Variants in DPP10 observed in about 807,000 individuals in gnomAD.
The protein encoded by DPP10 is inactive dipeptidyl peptidase 10.
In DPP10, 33 loss-of-function variants were observed where a neutral mutation model predicts 120.9. The ratio of observed to expected loss-of-function variants is 0.27; its 90% CI spans 0.21 to 0.37. The LOEUF (loss-of-function observed/expected upper bound fraction) is 0.37, where lower values mean the gene tolerates loss of function less well. Ranked by LOEUF, DPP10 falls within the 10% of genes least tolerant of loss-of-function variation. The pLI, the probability that DPP10 is intolerant of heterozygous loss-of-function variation, is 1.00. For missense variants in DPP10, 816 were observed against 942.8 expected (o/e 0.87, Z 1.76); for synonymous variants, 337 against 326.1 (o/e 1.03, Z -0.36).
chr2:115,336,571 C>G (rs1265544629), intron 2 of DPP10, among the ~76,000 whole-genome samples: 1 of 149,878 alleles, frequency 6.7e-6, no homozygotes, highest in Non-Finnish European at 1.5e-5. Context: ...CTCTCTCTCT[C>G]TCTCTCTCTC....
At chr2:115,227,850 A>G (rs2057515364) in intron 1 of DPP10, among the ~76,000 whole-genome samples, 1 of 149,484 alleles carries the variant, frequency 6.7e-6, no homozygotes, top group Admixed American at 6.7e-5. Context: ...AAAATTAATT[A>G]TTTATTTATA....
chr2:115,227,767 A>G (rs2057510121), intron 1 of DPP10, among the ~76,000 whole-genome samples: 2 of 152,180 alleles, frequency 1.3e-5, no homozygotes, highest in East Asian at 1.9e-4. Flanking sequence ...TTTAATGCAG[A>G]ATAGTATCCC....
chr2:114,571,241 C>T (rs1344131946), intron 1 of DPP10, among the ~76,000 whole-genome samples: 1 of 152,064 alleles, frequency 6.6e-6, no homozygotes, highest in Non-Finnish European at 1.5e-5. Context: ...TAGTGCTGTT[C>T]TCCTGAGAGT....
intron 1 of DPP10, among the ~76,000 whole-genome samples, chr2:115,042,797 T>C (rs1289358703): frequency 2.0e-5 from 3 of 152,240 alleles, no homozygotes; most frequent in Non-Finnish European, 4.4e-5. Flanking sequence ...CTGCTCTATG[T>C]TGATATTTCC....
chr2:115,588,801 A>G (rs1010487067), intron 5 of DPP10, among the ~76,000 whole-genome samples: 3 of 152,218 alleles, frequency 2.0e-5, no homozygotes, highest in African/African-American at 7.2e-5. Context: ...AATGAACTCC[A>G]TGAACTAAAG....
intron 21 of DPP10, among the ~76,000 whole-genome samples, chr2:115,816,711 G>A (rs1575873166): frequency 1.3e-5 from 2 of 150,060 alleles, no homozygotes; most frequent in African/African-American, 4.9e-5. Flanking sequence ...CCACCTCCCA[G>A]GTTCAAGCGA....
At chr2:115,720,023 T>C (rs1277402593) in intron 7 of DPP10, among the ~76,000 whole-genome samples, 1 of 152,196 alleles carries the variant, frequency 6.6e-6, no homozygotes, top group African/African-American at 2.4e-5. Context: ...AATCTATCTA[T>C]CTACCCATAT....
intron 1 of DPP10, 139 bp from the exon 2 acceptor site, chr2:115,309,100 A>G: frequency 1.5e-6 from 1 of 654,006 alleles, no homozygotes; most frequent in South Asian, 2.0e-5. Context: ...CTTTTGAATA[A>G]TTAAATGAAC....
rs143331852 is a variant in DPP10 at position 115,751,789 on chromosome 2, G to GTT, written c.951-1376_951-1375dup. Among the ~76,000 whole-genome samples the GTT allele has an allele frequency of 1.2e-3, 140 of 118,716 alleles. 1 individual carries two copies. The highest frequency in any genetic ancestry group is 3.1e-3 in the African/African-American group (118 of 37,844). 77.9% of individuals were successfully genotyped at this position (118,716 alleles called of 152,430 possible). A position where few individuals can be genotyped will look rare whatever the true frequency, so the allele number is the denominator to read the frequency against. On this transcript the variant is annotated intron_variant, in intron 10 of 25. Coordinates refer to ENST00000410059, the MANE Select transcript of DPP10 (RefSeq NM_020868.6). ...ATATAAAACTGGGTTAATTAACTGTGTTTTTTTTTTGTTGTTTTTTTTTTT... is the reference window on the plus strand; with the variant it reads ...ATATAAAACTGGGTTAATTAACTGTGTTTTTTTTTTTTGTTGTTTTTTTTTTT...
intron 1 of DPP10, among the ~76,000 whole-genome samples, chr2:114,514,195 C>T (rs185332005): frequency 8.5e-5 from 13 of 152,294 alleles, no homozygotes; most frequent in African/African-American, 3.1e-4. Context: ...ATAAAAAGCA[C>T]TTGTAGCTAA....
chr2:114,884,470 C>T (rs555532984), intron 1 of DPP10, among the ~76,000 whole-genome samples: 27 of 152,302 alleles, frequency 1.8e-4, no homozygotes, highest in Non-Finnish European at 3.4e-4. Flanking sequence ...AGGCCACTTC[C>T]TCCATCTTCA....
chr2:114,779,586 T>A (rs1558733546), intron 1 of DPP10, among the ~76,000 whole-genome samples: 1 of 152,134 alleles, frequency 6.6e-6, no homozygotes, highest in Non-Finnish European at 1.5e-5. Context: ...CGCTGAGGAC[T>A]TTTTCATATC....
intron 1 of DPP10, among the ~76,000 whole-genome samples, chr2:114,678,928 A>G (rs970373716): frequency 1.3e-5 from 2 of 152,064 alleles, no homozygotes; most frequent in African/African-American, 4.8e-5. Flanking sequence ...GATCAGACAC[A>G]CGGATGCGTC....
chr2:114,664,295 A>G (rs1287921184), intron 1 of DPP10, among the ~76,000 whole-genome samples: 2 of 151,828 alleles, frequency 1.3e-5, no homozygotes, highest in East Asian at 3.9e-4. Flanking sequence ...CAGAAGAGTC[A>G]TAACCCTTGG....
At chr2:114,514,362 G>A (rs1684417932) in intron 1 of DPP10, among the ~76,000 whole-genome samples, 1 of 152,116 alleles carries the variant, frequency 6.6e-6, no homozygotes, top group Non-Finnish European at 1.5e-5. Flanking sequence ...CTAGACCTTG[G>A]TGTCCTTAAC....
At chr2:114,595,170 C>G (rs1361427098) in intron 1 of DPP10, among the ~76,000 whole-genome samples, 4 of 152,204 alleles carry the variant, frequency 2.6e-5, no homozygotes, top group Admixed American at 6.6e-5. Flanking sequence ...TTTGAATTCA[C>G]CACTCTTGCT....
intron 1 of DPP10, among the ~76,000 whole-genome samples, chr2:114,585,119 CTCTT>C (rs1170617948): frequency 6.6e-6 from 1 of 152,198 alleles, no homozygotes; most frequent in Admixed American, 6.5e-5. Flanking sequence ...GCTGGGTTCT[CTCTT>C]CAGCGTATCA....
Position 114,470,368 on chromosome 2 carries a change from C to CT in DPP10, c.60+27535dup, listed in dbSNP as rs1466822986. On this transcript the variant is annotated intron_variant, in intron 1 of 25. Coordinates refer to ENST00000410059, the MANE Select transcript of DPP10 (RefSeq NM_020868.6). The stretch of plus-strand genomic sequence containing the variant: ...TTTCTGGTCTCTGAAGAATTGTGTT[C>CT]TTTTTGGCCAATAAAATTAAAATGA... Among the ~76,000 whole-genome samples the CT allele has an allele frequency of 2.6e-5, 4 of 152,232 alleles. No homozygotes were observed. The South Asian group carries it at 8.3e-4, about 32-fold the overall frequency.
chr2:115,698,183 A>G (rs1463250728), intron 7 of DPP10, among the ~76,000 whole-genome samples: 1 of 152,134 alleles, frequency 6.6e-6, no homozygotes, highest in Non-Finnish European at 1.5e-5. Flanking sequence ...TCTGATCACA[A>G]TGGGATAAAG....
Sources: gnomAD v4.1 joint callset for allele counts (sites outside exome capture counted in the v4.1 genomes callset) on GRCh38, gnomAD v4.1.1 for gene constraint, MANE v1.5 for transcripts, NCBI Gene and HGNC (gene_info 2026-07-23, HGNC 2026-07-21) for gene names.